Variants in PTPRD observed in about 807,000 individuals in gnomAD.
The protein encoded by PTPRD is protein tyrosine phosphatase receptor type D, also known as receptor-type tyrosine-protein phosphatase delta.
Under a neutral mutation model 214.5 loss-of-function variants are expected in PTPRD, and 34 were observed. The observed-to-expected ratio is 0.16, with a 90% CI of 0.12 to 0.21. The LOEUF (loss-of-function observed/expected upper bound fraction) is 0.21. Ranked by LOEUF, PTPRD falls within the 10% of genes least tolerant of loss-of-function variation. PTPRD has a pLI of 1.00. For missense variants in PTPRD, 2,545 were observed against 2,398.7 expected (o/e 1.06, Z -1.27); for synonymous variants, 1,128 against 845.7 (o/e 1.33, Z -5.79).
At chr9:10,395,779 G>A (rs1054690593) in intron 2 of PTPRD, among the ~76,000 whole-genome samples, 2 of 151,840 alleles carry the variant, frequency 1.3e-5, no homozygotes, top group Non-Finnish European at 2.9e-5. Context: ...ATACCTGAAT[G>A]AAGTGTAATA....
intron 14 of PTPRD, among the ~76,000 whole-genome samples, chr9:8,630,287 A>G (rs2096210763): frequency 1.3e-5 from 2 of 151,986 alleles, no homozygotes; most frequent in East Asian, 3.9e-4. Flanking sequence ...GATTTGCAAG[A>G]GAAAGTGAAC....
At chr9:9,413,100 C>CTTTTTTTTTTTTTTTTTTTTTTTT (rs5896325) in intron 8 of PTPRD, among the ~76,000 whole-genome samples, 2 of 63,026 alleles carry the variant, frequency 3.2e-5, no homozygotes, top group East Asian at 6.6e-4. Context: ...CTTGCAGCTT[C>CTTTTTTTTTTTTTTTTTTTTTTTT]TTTTTTTTTT....
chr9:10,242,917 A>C (rs2091383391), intron 3 of PTPRD, among the ~76,000 whole-genome samples: 1 of 141,148 alleles, frequency 7.1e-6, no homozygotes, highest in African/African-American at 2.5e-5. Flanking sequence ...AGAAAAAGGA[A>C]GGGAAGAGAG....
intron 5 of PTPRD, among the ~76,000 whole-genome samples, chr9:9,920,417 C>T (rs113250515): frequency 2.0e-5 from 3 of 152,236 alleles, no homozygotes; most frequent in African/African-American, 4.8e-5. Context: ...ATCTATTTCT[C>T]ACTGATGTTG....
intron 10 of PTPRD, among the ~76,000 whole-genome samples, chr9:9,020,894 A>G (rs2099567205): frequency 6.6e-6 from 1 of 152,144 alleles, no homozygotes; most frequent in South Asian, 2.1e-4. Flanking sequence ...CCTCTAAATA[A>G]CCAGAATGAG....
intron 11 of PTPRD, among the ~76,000 whole-genome samples, chr9:8,848,595 T>A (rs1406134060): frequency 2.6e-5 from 4 of 151,678 alleles, no homozygotes; most frequent in African/African-American, 9.7e-5. Flanking sequence ...TCCTCCTGTC[T>A]TGGCCTCCAA....
At chr9:9,051,343 T>C (rs552026821) in intron 10 of PTPRD, among the ~76,000 whole-genome samples, 80 of 152,328 alleles carry the variant, frequency 5.3e-4, no homozygotes, top group African/African-American at 1.9e-3. Flanking sequence ...TACTTTCAAA[T>C]TGGCCAACAT....
At chr9:10,143,837 G>C (rs938763734) in intron 3 of PTPRD, among the ~76,000 whole-genome samples, 21 of 152,026 alleles carry the variant, frequency 1.4e-4, no homozygotes, top group African/African-American at 4.6e-4. Context: ...CTCACTTGTA[G>C]GTGGGAACTA....
chr9:10,503,193 C>CAAA (rs753847764), intron 2 of PTPRD, among the ~76,000 whole-genome samples: 12,853 of 68,846 alleles, frequency 0.19, 1,324 homozygotes, highest in Middle Eastern at 0.29. Flanking sequence ...AGCTGCAATA[C>CAAA]AAAAAAAAAA....
At chr9:8,644,702 TCACGG>T (rs2154338396) in intron 12 of PTPRD, among the ~76,000 whole-genome samples, 1 of 152,302 alleles carries the variant, frequency 6.6e-6, no homozygotes, top group South Asian at 2.1e-4. Flanking sequence ...AACCGCTGCC[TCACGG>T]AGAACTGGCA....
rs767845885 is a variant in PTPRD at position 8,497,234 on chromosome 9, T to C, written c.2349+8A>G. On this transcript the variant is annotated splice_region_variant and intron_variant, in intron 26 of 45. Coordinates refer to ENST00000381196, the MANE Select transcript of PTPRD (RefSeq NM_002839.4). ...CTGCTTTTGACAAAACAGTCAAAAA[T>C]TACTCACATGTTCAGTAGTATCATC... The C allele has an allele frequency of 1.9e-6, 3 of 1,590,436 alleles. No homozygotes were observed. The highest frequency in any genetic ancestry group is 2.6e-6 in the Non-Finnish European group (3 of 1,171,016).
intron 3 of PTPRD, among the ~76,000 whole-genome samples, chr9:10,265,006 C>A (rs952158856): frequency 6.6e-6 from 1 of 152,118 alleles, no homozygotes; most frequent in South Asian, 2.1e-4. Context: ...TTTGACATGG[C>A]CTTCACCTTC....
At chr9:10,448,065 T>C (rs73390304) in intron 2 of PTPRD, among the ~76,000 whole-genome samples, 3,701 of 152,050 alleles carry the variant, frequency 0.024, 169 homozygotes, top group African/African-American at 0.076. Flanking sequence ...ATTTTTTAGT[T>C]GAGGAAACTG....
At chr9:8,689,618 G>A (rs536471516) in intron 12 of PTPRD, among the ~76,000 whole-genome samples, 68 of 152,114 alleles carry the variant, frequency 4.5e-4, no homozygotes, top group Admixed American at 1.4e-3. Context: ...CCACCCCCAT[G>A]ATTCAAATTA....
intron 8 of PTPRD, among the ~76,000 whole-genome samples, chr9:9,502,477 C>A (rs79857465): frequency 2.6e-5 from 4 of 151,824 alleles, no homozygotes; most frequent in Non-Finnish European, 5.9e-5. Flanking sequence ...TTTTACCATA[C>A]GTATATGTAT....
At chr9:9,226,306 T>G (rs1212189879) in intron 9 of PTPRD, among the ~76,000 whole-genome samples, 1 of 151,846 alleles carries the variant, frequency 6.6e-6, no homozygotes, top group African/African-American at 2.4e-5. Context: ...AAGCTATTAT[T>G]TGGATGAAAA....
intron 19 of PTPRD, 123 bp from the exon 20 acceptor site, chr9:8,521,669 C>T (rs1441892898): frequency 1.1e-5 from 12 of 1,129,170 alleles, no homozygotes; most frequent in Non-Finnish European, 1.5e-5. Flanking sequence ...TGTCCAAAAA[C>T]AAAACATAAA....
At chr9:8,563,148 G>A (rs1461393047) in intron 14 of PTPRD, among the ~76,000 whole-genome samples, 2 of 151,904 alleles carry the variant, frequency 1.3e-5, no homozygotes, top group Admixed American at 1.3e-4. Flanking sequence ...ACACATTGTA[G>A]GATCCCATTT....
intron 3 of PTPRD, among the ~76,000 whole-genome samples, chr9:10,051,469 CT>C (rs2097533878): frequency 6.6e-6 from 1 of 151,610 alleles, no homozygotes; most frequent in Non-Finnish European, 1.5e-5. Flanking sequence ...TATTATTATA[CT>C]TTAAGTTTTA....
Sources: allele counts gnomAD v4.1 joint callset (sites outside exome capture counted in the v4.1 genomes callset), GRCh38; gene constraint gnomAD v4.1.1; transcripts MANE v1.5; gene names NCBI Gene and HGNC (gene_info 2026-07-23, HGNC 2026-07-21).